GABRA2: variants seen among roughly 807,000 people sequenced by gnomAD.
GABRA2 encodes the protein gamma-aminobutyric acid receptor subunit alpha-2.
GABRA2 carries 16 observed loss-of-function variants against 48.7 expected under a neutral mutation model. The ratio of observed to expected loss-of-function variants is 0.33; its 90% CI spans 0.22 to 0.50. The LOEUF (loss-of-function observed/expected upper bound fraction) is 0.50, where lower values mean the gene tolerates loss of function less well. Ranked by LOEUF, GABRA2 falls within the 20% of genes least tolerant of loss-of-function variation. The pLI is 0.98. For missense variants in GABRA2, 275 were observed against 535.6 expected (o/e 0.51, Z 4.80); for synonymous variants, 185 against 184.5 (o/e 1.00, Z -0.02).
intron 3 of GABRA2, among the ~76,000 whole-genome samples, chr4:46,359,195 C>T (rs896488747): frequency 1.1e-4 from 16 of 152,104 alleles, no homozygotes; most frequent in South Asian, 2.1e-4. Context: ...ATAAAAATCA[C>T]GTACTCCAAA....
At position 46,278,858 on chromosome 4, in the gene GABRA2, G is replaced by A. The variant is rs116100019; in HGVS notation, c.857-16730C>T. 3.3e-3 allele frequency among the ~76,000 whole-genome samples: 495 copies of A among 151,890 alleles called. 1 individual carries two copies. The highest frequency in any genetic ancestry group is 0.011 in the African/African-American group (446 of 41,436). ...AACAGTAGAGATTAGACGATGGTGA[G>A]GGAAATAGAATGAAGGGAAGGTAAA... On this transcript the variant is annotated intron_variant, in intron 8 of 9. Transcript: ENST00000381620.
intron 8 of GABRA2, among the ~76,000 whole-genome samples, chr4:46,287,102 T>C (rs1722698877): frequency 6.6e-6 from 1 of 152,172 alleles, no homozygotes; most frequent in African/African-American, 2.4e-5. Flanking sequence ...TGTCATATAT[T>C]TCTGATCTAT....
At chr4:46,361,800 C>G (rs187472488) in intron 3 of GABRA2, among the ~76,000 whole-genome samples, 5 of 152,230 alleles carry the variant, frequency 3.3e-5, no homozygotes, top group African/African-American at 9.6e-5. Context: ...TAGCCCACCT[C>G]TTGCATCAGC....
At chr4:46,386,338 C>A in intron 2 of GABRA2, 149 bp from the exon 3 acceptor site, 1 of 557,728 alleles carries the variant, frequency 1.8e-6, no homozygotes, top group Non-Finnish European at 3.1e-6. Context: ...CTATAAATAT[C>A]GGTTTGTCTT....
chr4:46,330,301 G>C (rs936740558), intron 4 of GABRA2, among the ~76,000 whole-genome samples: 1 of 151,846 alleles, frequency 6.6e-6, no homozygotes, highest in African/African-American at 2.4e-5. Flanking sequence ...GTTCAATTCA[G>C]ATATAAAGTA....
intron 3 of GABRA2, among the ~76,000 whole-genome samples, chr4:46,382,873 A>G (rs1560610758): frequency 6.6e-6 from 1 of 152,204 alleles, no homozygotes. Context: ...ATAGTTATAA[A>G]GGAAAGAAAA....
At chr4:46,372,358 A>C (rs1715030496) in intron 3 of GABRA2, among the ~76,000 whole-genome samples, 1 of 152,212 alleles carries the variant, frequency 6.6e-6, no homozygotes. Context: ...TTCTGACATA[A>C]GGAACAGATG....
intron 9 of GABRA2, among the ~76,000 whole-genome samples, chr4:46,256,535 T>G (rs187798343): frequency 6.6e-6 from 1 of 151,542 alleles, no homozygotes; most frequent in Admixed American, 6.6e-5. Flanking sequence ...CTGAGAAAAC[T>G]TATATATCTA....
chr4:46,266,336 T>A (rs1038792373), intron 8 of GABRA2, among the ~76,000 whole-genome samples: 2 of 148,090 alleles, frequency 1.4e-5, no homozygotes, highest in Non-Finnish European at 3.0e-5. Context: ...ATAAAATAAA[T>A]TTATAAATTT....
chr4:46,258,216 T>A (rs947691555), intron 9 of GABRA2, among the ~76,000 whole-genome samples: 13 of 151,804 alleles, frequency 8.6e-5, no homozygotes, highest in African/African-American at 2.9e-4. Context: ...CTAATACATG[T>A]AAGAACCTGT....
intron 3 of GABRA2, among the ~76,000 whole-genome samples, chr4:46,355,191 A>G (rs1735767412): frequency 6.6e-6 from 1 of 152,076 alleles, no homozygotes; most frequent in Non-Finnish European, 1.5e-5. Flanking sequence ...GTCTTACTTT[A>G]TTTTTTGCCA....
intron 6 of GABRA2, among the ~76,000 whole-genome samples, chr4:46,307,423 C>T (rs1417683906): frequency 4.1e-5 from 6 of 145,756 alleles, no homozygotes; most frequent in Non-Finnish European, 6.0e-5. Flanking sequence ...ACTCTGTAGT[C>T]GTCAATAAAT....
At position 46,389,805 on chromosome 4, in the gene GABRA2, GAGAGAGAGAGAGAGAGAGAGAGAGA is replaced by G. The variant is rs1717991217; in HGVS notation, c.-106_-82del. The G allele has an allele frequency of 4.5e-6, 1 of 220,830 alleles. No individual in the cohort carries two copies. Among genetic ancestry groups the G allele is most frequent in the Admixed American group, 2.9e-4 (1 of 3,436 alleles). The allele number at this position is 220,830 out of a possible 1,614,324, so 13.7% of individuals were successfully genotyped here. ...TCTTGACGAGATAGGAAACTTGGGAGAGAGAGAGAGAGAGAGAGAGAGAGAGAGAGAGAGAGAGAGAGAGAGAGAG... is the reference window on the plus strand; with the variant it reads ...TCTTGACGAGATAGGAAACTTGGGAGGAGAGAGAGAGAGAGAGAGAGAGAG... On this transcript the variant is annotated 5_prime_UTR_variant, in exon 1 of 10. Transcript: ENST00000381620.
intron 9 of GABRA2, among the ~76,000 whole-genome samples, chr4:46,256,000 T>C (rs1327769685): frequency 6.6e-6 from 1 of 151,460 alleles, no homozygotes; most frequent in Non-Finnish European, 1.5e-5. Context: ...ACACTAAATA[T>C]AATAGGCTTT....
At chr4:46,366,081 A>G (rs1213677843) in intron 3 of GABRA2, 1 of 152,126 alleles carries the variant, frequency 6.6e-6, no homozygotes, top group African/African-American at 2.4e-5. Flanking sequence ...TCTAGACTAC[A>G]TGGTCTTCTT....
At chr4:46,250,675 C>A (rs1714570265) in intron 9 of GABRA2, 71 bp from the exon 10 acceptor site, 2 of 1,174,244 alleles carry the variant, frequency 1.7e-6, no homozygotes, top group Non-Finnish European at 2.4e-6. Flanking sequence ...AAGTCCACTT[C>A]AAATTCTGAA....
intron 3 of GABRA2, among the ~76,000 whole-genome samples, chr4:46,380,193 C>T (rs1387299564): frequency 6.6e-6 from 1 of 152,142 alleles, no homozygotes; most frequent in Non-Finnish European, 1.5e-5. Context: ...TAGGCAAATT[C>T]ATTATCTTGA....
intron 8 of GABRA2, among the ~76,000 whole-genome samples, chr4:46,272,680 A>G (rs1394763248): frequency 6.6e-6 from 1 of 151,984 alleles, no homozygotes; most frequent in Middle Eastern, 3.2e-3. Flanking sequence ...AAAAGGAAAA[A>G]TAATCCTAAA....
intron 9 of GABRA2, among the ~76,000 whole-genome samples, chr4:46,256,035 G>A (rs1055760301): frequency 1.3e-5 from 2 of 151,536 alleles, no homozygotes; most frequent in Non-Finnish European, 3.0e-5. Flanking sequence ...GGTCTCCAAA[G>A]GGCAAATCTA....
Sources: allele counts gnomAD v4.1 joint callset (sites outside exome capture counted in the v4.1 genomes callset), GRCh38; gene constraint gnomAD v4.1.1; transcripts MANE v1.5; gene names NCBI Gene and HGNC (gene_info 2026-07-23, HGNC 2026-07-21).